SH3GL3: variants seen among roughly 807,000 people sequenced by gnomAD.
SH3GL3 encodes SH3 domain containing GRB2 like 3, endophilin A3.
Under a neutral mutation model 47.7 loss-of-function variants are expected in SH3GL3, and 33 were observed. The ratio of observed to expected loss-of-function variants is 0.69; its 90% CI spans 0.52 to 0.92. The LOEUF (loss-of-function observed/expected upper bound fraction) is 0.92. SH3GL3 is among the 40% of genes least tolerant of loss of function. The probability of loss-of-function intolerance (pLI) is 0.00; values close to 1 mark genes in which losing one functional copy is unlikely to be tolerated. For synonymous variants in SH3GL3, 155 were observed against 148.8 expected, an observed-to-expected ratio of 1.04 and a Z score of -0.30; for missense variants, 363 against 417.8, an observed-to-expected ratio of 0.87 and a Z score of 1.14.
At chr15:83,589,452 G>A (rs550815273) in intron 8 of SH3GL3, among the ~76,000 whole-genome samples, 36 of 152,156 alleles carry the variant, frequency 2.4e-4, no homozygotes, top group African/African-American at 8.2e-4. Context: ...ACATGGCTCG[G>A]TGCAGCCTTG....
At chr15:83,468,769 A>G (rs564882704) in intron 1 of SH3GL3, among the ~76,000 whole-genome samples, 1 of 147,992 alleles carries the variant, frequency 6.8e-6, no homozygotes, top group African/African-American at 2.5e-5. Flanking sequence ...TTTGGTGTCT[A>G]TATCCATGAG....
At chr15:83,553,939 T>C (rs2044797327) in intron 1 of SH3GL3, among the ~76,000 whole-genome samples, 1 of 152,220 alleles carries the variant, frequency 6.6e-6, no homozygotes, top group African/African-American at 2.4e-5. Flanking sequence ...TCGGTTTTTA[T>C]TTCCTTGATG....
At chr15:83,508,688 G>A (rs982438470) in intron 1 of SH3GL3, among the ~76,000 whole-genome samples, 4 of 151,236 alleles carry the variant, frequency 2.6e-5, no homozygotes, top group Admixed American at 1.3e-4. Flanking sequence ...AGCGATTCTC[G>A]TGCCTCAGCC....
intron 1 of SH3GL3, among the ~76,000 whole-genome samples, chr15:83,482,686 G>A (rs188347929): frequency 1.1e-3 from 168 of 152,062 alleles, no homozygotes; most frequent in Non-Finnish European, 1.5e-3. Context: ...GTAGAGGCGA[G>A]TTTTCATCAT....
chr15:83,486,564 G>A (rs2041605987), intron 1 of SH3GL3, among the ~76,000 whole-genome samples: 1 of 152,148 alleles, frequency 6.6e-6, no homozygotes, highest in Non-Finnish European at 1.5e-5. Context: ...ATTGTAGCAT[G>A]TATCAGTACT....
chr15:83,586,097 C>A (rs2151801862), intron 6 of SH3GL3, among the ~76,000 whole-genome samples: 1 of 152,308 alleles, frequency 6.6e-6, no homozygotes, highest in South Asian at 2.1e-4. Flanking sequence ...CTTTGTCCAG[C>A]TCTAGAGTTG....
At chr15:83,601,131 A>G (rs542693530) in intron 8 of SH3GL3, among the ~76,000 whole-genome samples, 2 of 152,292 alleles carry the variant, frequency 1.3e-5, no homozygotes, top group Non-Finnish European at 1.5e-5. Flanking sequence ...ATACAATTAT[A>G]TCATCAGCAA....
At chr15:83,526,069 T>C (rs916343614) in intron 1 of SH3GL3, among the ~76,000 whole-genome samples, 3 of 152,204 alleles carry the variant, frequency 2.0e-5, no homozygotes, top group African/African-American at 7.2e-5. Context: ...ATGTCATTGG[T>C]ATTTTAATAG....
intron 8 of SH3GL3, among the ~76,000 whole-genome samples, chr15:83,604,768 A>G (rs1010890631): frequency 1.3e-5 from 2 of 152,212 alleles, no homozygotes; most frequent in African/African-American, 2.4e-5. Flanking sequence ...GTTAAGTGAG[A>G]TCTTCTCAAG....
chr15:83,484,591 T>G (rs970210134), intron 1 of SH3GL3, among the ~76,000 whole-genome samples: 1 of 152,188 alleles, frequency 6.6e-6, no homozygotes, highest in African/African-American at 2.4e-5. Flanking sequence ...TGGTTGTTTT[T>G]TTGTATCTCT....
intron 4 of SH3GL3, among the ~76,000 whole-genome samples, chr15:83,571,225 G>T (rs774753541): frequency 1.4e-4 from 21 of 152,322 alleles, no homozygotes; most frequent in Non-Finnish European, 2.4e-4. Context: ...CAGGGAGGTG[G>T]CGGCCCATGT....
intron 1 of SH3GL3, among the ~76,000 whole-genome samples, chr15:83,527,219 G>A (rs1490571674): frequency 6.6e-6 from 1 of 152,078 alleles, no homozygotes; most frequent in Non-Finnish European, 1.5e-5. Flanking sequence ...TTCTGTAAAT[G>A]TCTGTTAGGT....
At chr15:83,511,923 T>C (rs2042772656) in intron 1 of SH3GL3, among the ~76,000 whole-genome samples, 2 of 152,144 alleles carry the variant, frequency 1.3e-5, no homozygotes, top group Admixed American at 1.3e-4. Context: ...AGAGGGGAGT[T>C]TGACACTTGG....
chr15:83,558,529 A>G (rs1213591323), intron 1 of SH3GL3, among the ~76,000 whole-genome samples: 1 of 151,322 alleles, frequency 6.6e-6, no homozygotes, highest in Non-Finnish European at 1.5e-5. Context: ...CCATGCTTGT[A>G]GTACTGGCCT....
intron 1 of SH3GL3, among the ~76,000 whole-genome samples, chr15:83,455,191 T>C (rs1444980099): frequency 1.9e-5 from 1 of 52,776 alleles, no homozygotes; most frequent in African/African-American, 7.4e-5. Context: ...GTTAGTCTGA[T>C]GGGCTTTCCT....
At chr15:83,538,274 T>C (rs992876747) in intron 1 of SH3GL3, among the ~76,000 whole-genome samples, 1 of 152,206 alleles carries the variant, frequency 6.6e-6, no homozygotes, top group Admixed American at 6.6e-5. Flanking sequence ...TTGTTAAACT[T>C]CCTTCTAGAA....
intron 1 of SH3GL3, among the ~76,000 whole-genome samples, chr15:83,503,829 C>T (rs952106055): frequency 1.3e-5 from 2 of 152,176 alleles, no homozygotes; most frequent in African/African-American, 4.8e-5. Context: ...TGTTATGCAT[C>T]GCCAAGTTAT....
the SH3GL3 span, among the ~76,000 whole-genome samples, chr15:83,624,130 C>T: frequency 9.2e-5 from 14 of 152,314 alleles, no homozygotes; most frequent in Non-Finnish European, 1.9e-4. Flanking sequence ...GTTTGACCCT[C>T]AGTGTGGGCA....
In SH3GL3 at chr15:83,525,989, G is replaced by A. The variant is rs191933732; in HGVS notation, c.46-33264G>A. Among the ~76,000 whole-genome samples, 687 of 152,210 alleles carry A rather than the reference G, an allele frequency of 4.5e-3. 1 individual carries two copies. Among genetic ancestry groups the A allele is most frequent in the Middle Eastern group, 0.02 (6 of 294 alleles). On this transcript the variant is annotated intron_variant, in intron 1 of 8. Coordinates refer to ENST00000427482, the MANE Select transcript of SH3GL3 (RefSeq NM_003027.5). The stretch of plus-strand genomic sequence containing the variant: ...AGCTTTGTTATTTTTGCTCAGGATT[G>A]CATTGGCTATTTGGGCTCTTTTTTG...
Sources: gnomAD v4.1 joint callset for allele counts (sites outside exome capture counted in the v4.1 genomes callset) on GRCh38, gnomAD v4.1.1 for gene constraint, MANE v1.5 for transcripts, NCBI Gene and HGNC (gene_info 2026-07-23, HGNC 2026-07-21) for gene names.